POLA1: variants seen among roughly 807,000 people sequenced by gnomAD.
POLA1 encodes DNA polymerase alpha 1, catalytic subunit, also known as DNA polymerase alpha catalytic subunit.
In POLA1, 15 loss-of-function variants were observed where a neutral mutation model predicts 124.0. The observed-to-expected ratio is 0.12, with a 90% CI of 0.08 to 0.19. The LOEUF is 0.19. Ranked by LOEUF, POLA1 falls within the 10% of genes least tolerant of loss-of-function variation. The pLI is 1.00. For synonymous variants in POLA1, 408 were observed against 389.4 expected, an observed-to-expected ratio of 1.05 and a Z score of -0.56; for missense variants, 886 against 1,103.4, an observed-to-expected ratio of 0.80 and a Z score of 2.79.
chrX:24,920,705 A>G (rs1200618636), intron 35 of POLA1, among the ~76,000 whole-genome samples: 2 of 111,992 alleles, frequency 1.8e-5, no homozygotes, highest in African/African-American at 6.5e-5. Context: ...TAAAATGAGG[A>G]TAATCAGAAT....
chrX:24,898,275 G>T (rs2047233779), intron 35 of POLA1, among the ~76,000 whole-genome samples: 1 of 111,766 alleles, frequency 8.9e-6, no homozygotes, highest in South Asian at 3.7e-4. Flanking sequence ...AGATGGAAAC[G>T]GGTGCATTCA....
intron 35 of POLA1, among the ~76,000 whole-genome samples, chrX:24,928,690 C>T (rs757624688): frequency 4.5e-5 from 5 of 111,973 alleles, no homozygotes; most frequent in Non-Finnish European, 7.5e-5. Context: ...AGCATGTGTG[C>T]AGTCAGGGAG....
At chrX:24,696,070 A>G (rs1465212053) in intron 1 of POLA1, among the ~76,000 whole-genome samples, 1 of 112,797 alleles carries the variant, frequency 8.9e-6, no homozygotes, top group East Asian at 2.8e-4. Context: ...GAAGCGTTAC[A>G]TGAGCCGCTC....
At chrX:24,798,836 C>T (rs2045657834) in intron 26 of POLA1, among the ~76,000 whole-genome samples, 2 of 111,117 alleles carry the variant, frequency 1.8e-5, no homozygotes, top group Admixed American at 9.6e-5. Context: ...GTCTACAACA[C>T]ATGTTTCTCT....
At position 24,717,396 on chromosome X, in the gene POLA1, G is replaced by A. The variant is rs769994219; in HGVS notation, c.813G>A (p.Leu271=). 4.1e-6 allele frequency: 5 copies of A among 1,208,164 alleles called. No individual in the cohort carries two copies. Among genetic ancestry groups the A allele is most frequent in the Non-Finnish European group, 4.5e-6 (4 of 893,663 alleles). The part of the protein sequence containing the change: ...DEPMEVEEVD[L]EPMAAKAWDK... ...CCATGGAAGTTGAAGAGGTGGACCTGGAGCCTATGGCTGCCAAGGCTTGGG... is the reference window on the plus strand; with the variant it reads ...CCATGGAAGTTGAAGAGGTGGACCTAGAGCCTATGGCTGCCAAGGCTTGGG... The change falls in exon 9 of 37, where the codon CTG becomes CTA. Residue 271 remains leucine, a synonymous_variant. Transcript: ENST00000379068.
chrX:24,901,725 G>A (rs1179857046), intron 35 of POLA1, among the ~76,000 whole-genome samples: 1 of 111,446 alleles, frequency 9.0e-6, no homozygotes, highest in Non-Finnish European at 1.9e-5. Context: ...ACTGATAGGA[G>A]TTGCTACTCC....
intron 34 of POLA1, among the ~76,000 whole-genome samples, chrX:24,861,756 C>T (rs954421729): frequency 2.7e-5 from 3 of 111,967 alleles, no homozygotes; most frequent in Non-Finnish European, 5.6e-5. Context: ...GATGTCTAAC[C>T]GTTACCTAAC....
At chrX:24,882,688 T>G (rs932364133) in intron 34 of POLA1, among the ~76,000 whole-genome samples, 6 of 40,619 alleles carry the variant, frequency 1.5e-4, no homozygotes, top group Admixed American at 1.3e-3. Flanking sequence ...TTCCATGGTG[T>G]GTGTGTGTGT....
chrX:24,771,482 C>T (rs769418654), intron 26 of POLA1, among the ~76,000 whole-genome samples: 4 of 111,317 alleles, frequency 3.6e-5, no homozygotes, highest in Non-Finnish European at 5.7e-5. Context: ...ACAGCAGGGT[C>T]ATCGAGTCAT....
chrX:24,955,622 C>G (rs930661344), intron 36 of POLA1, among the ~76,000 whole-genome samples: 2 of 112,108 alleles, frequency 1.8e-5, no homozygotes, highest in Non-Finnish European at 3.8e-5. Context: ...TAGGCAGTCC[C>G]CATTGTTCAT....
chrX:24,753,080 C>T (rs1472012840), intron 26 of POLA1, among the ~76,000 whole-genome samples: 3 of 107,820 alleles, frequency 2.8e-5, no homozygotes, highest in Non-Finnish European at 3.8e-5. Flanking sequence ...GGTGCCATCT[C>T]GGCTCACTGC....
chrX:24,716,612 T>C, intron 7 of POLA1, among the ~76,000 whole-genome samples, 158 bp downstream of exon 7: 1 of 112,534 alleles, frequency 8.9e-6, no homozygotes, highest in East Asian at 2.8e-4. Context: ...ATTTCAAAAA[T>C]AGCATGTGCC....
At chrX:24,899,539 A>G (rs181991476) in intron 35 of POLA1, among the ~76,000 whole-genome samples, 1 of 111,614 alleles carries the variant, frequency 9.0e-6, no homozygotes, top group East Asian at 2.8e-4. Flanking sequence ...CTAAAAATGC[A>G]CCGAATTCCT....
intron 34 of POLA1, among the ~76,000 whole-genome samples, chrX:24,866,510 GT>G (rs2046797011): frequency 8.9e-6 from 1 of 111,840 alleles, no homozygotes; most frequent in African/African-American, 3.2e-5. Flanking sequence ...CTTCACTTCT[GT>G]TTAGAATTTC....
intron 2 of POLA1, 150 bp from the exon 3 acceptor site, chrX:24,703,101 G>A (rs1483025247): frequency 4.6e-6 from 2 of 439,446 alleles, no homozygotes; most frequent in African/African-American, 4.9e-5. Context: ...AAACCCTGTA[G>A]TGGTGTTGAA....
chrX:24,949,374 C>T (rs2048005029), intron 36 of POLA1, among the ~76,000 whole-genome samples: 1 of 111,667 alleles, frequency 9.0e-6, no homozygotes, highest in Non-Finnish European at 1.9e-5. Flanking sequence ...CCACAATTGA[C>T]TGAAGCTGAG....
chrX:24,715,855 A>G (rs1412466868), intron 6 of POLA1, among the ~76,000 whole-genome samples: 2 of 111,214 alleles, frequency 1.8e-5, no homozygotes, highest in African/African-American at 6.6e-5. Context: ...AAGCCTGTCA[A>G]TCTGCACAAT....
intron 34 of POLA1, among the ~76,000 whole-genome samples, chrX:24,871,244 A>G (rs1263386412): frequency 8.9e-6 from 1 of 112,200 alleles, no homozygotes; most frequent in Non-Finnish European, 1.9e-5. Flanking sequence ...TATCACTGTC[A>G]CACCAGTGAG....
intron 26 of POLA1, among the ~76,000 whole-genome samples, chrX:24,766,075 T>C (rs2148431005): frequency 8.9e-6 from 1 of 112,599 alleles, no homozygotes; most frequent in African/African-American, 3.2e-5. Flanking sequence ...ACAAATATTC[T>C]ACAGTGTATT....
Sources: allele counts gnomAD v4.1 joint callset (sites outside exome capture counted in the v4.1 genomes callset), GRCh38; gene constraint gnomAD v4.1.1; transcripts MANE v1.5; gene names NCBI Gene and HGNC (gene_info 2026-07-23, HGNC 2026-07-21).